SEC22C: variants seen among roughly 807,000 people sequenced by gnomAD.
SEC22C encodes the protein vesicle-trafficking protein SEC22c.
SEC22C carries 29 observed loss-of-function variants against 34.7 expected under a neutral mutation model. That is an observed-to-expected ratio of 0.84 (90% CI 0.62 to 1.14). The LOEUF (loss-of-function observed/expected upper bound fraction) is 1.14. Among genes scored for constraint, SEC22C ranks in the 50% most tolerant of loss-of-function variants. SEC22C has a pLI of 0.00. For synonymous variants in SEC22C, 117 were observed against 132.8 expected (o/e 0.88, Z 0.82); for missense variants, 337 against 369.0 (o/e 0.91, Z 0.71).
chr3:42,573,699 A>G (rs1422521214), intron 1 of SEC22C, among the ~76,000 whole-genome samples: 1 of 152,176 alleles, frequency 6.6e-6, no homozygotes, highest in African/African-American at 2.4e-5. Flanking sequence ...TTAATTAACT[A>G]AAGTAAAAAA....
upstream of SEC22C, among the ~76,000 whole-genome samples, chr3:42,582,598 T>C (rs1474370463): frequency 6.6e-6 from 1 of 152,230 alleles, no homozygotes; most frequent in Non-Finnish European, 1.5e-5. Flanking sequence ...GAGGAATTCC[T>C]GACACGAAAA....
chr3:42,558,853 G>A (rs1254225927), intron 4 of SEC22C, among the ~76,000 whole-genome samples: 1 of 152,084 alleles, frequency 6.6e-6, no homozygotes, highest in Non-Finnish European at 1.5e-5. Context: ...GAGGACCAAG[G>A]CTTTATTTGT....
chr3:42,562,066 A>C (rs1326040518), intron 3 of SEC22C, among the ~76,000 whole-genome samples: 1 of 152,256 alleles, frequency 6.6e-6, no homozygotes, highest in Non-Finnish European at 1.5e-5. Flanking sequence ...ATATTTGAAA[A>C]GTATTCATTT....
intron 1 of SEC22C, chr3:42,590,810 C>A: frequency 7.4e-7 from 1 of 1,349,710 alleles, no homozygotes; most frequent in Non-Finnish European, 1.1e-6. Flanking sequence ...GCCCTGTAGG[C>A]GGGAGCATCC....
upstream of SEC22C, among the ~76,000 whole-genome samples, chr3:42,585,083 C>T (rs1397639312): frequency 1.3e-5 from 2 of 152,060 alleles, no homozygotes; most frequent in African/African-American, 2.4e-5. Flanking sequence ...AAGCCGAGAT[C>T]GCACCATTGC....
upstream of SEC22C, among the ~76,000 whole-genome samples, chr3:42,585,616 C>T (rs1317729084): frequency 6.6e-6 from 1 of 152,170 alleles, no homozygotes; most frequent in Non-Finnish European, 1.5e-5. Context: ...GGGTTTATCA[C>T]CTCCATCACA....
chr3:42,548,622 G>C lies in SEC22C; in HGVS notation c.*4626C>G. ...TGGGTCAGGGGTGGCTGGCTCACGAGGTTTGGTCCAACCAGCAGAACCAGC... is the reference window on the plus strand; with the variant it reads ...TGGGTCAGGGGTGGCTGGCTCACGACGTTTGGTCCAACCAGCAGAACCAGC... On this transcript the variant is annotated 3_prime_UTR_variant, in exon 7 of 7. Coordinates refer to ENST00000264454, the MANE Select transcript of SEC22C (RefSeq NM_032970.4). 2 of 1,613,824 alleles carry C rather than the reference G, an allele frequency of 1.2e-6. No homozygotes were observed. Among genetic ancestry groups the C allele is most frequent in the Non-Finnish European group, 1.7e-6 (2 of 1,180,010 alleles).
At chr3:42,580,934 C>G (rs1704298401) in intron 1 of SEC22C, among the ~76,000 whole-genome samples, 1 of 152,212 alleles carries the variant, frequency 6.6e-6, no homozygotes, top group Non-Finnish European at 1.5e-5. Context: ...AGGTTGTCCT[C>G]TCTATGATCA....
At chr3:42,565,511 A>T (rs1559519621) in intron 2 of SEC22C, among the ~76,000 whole-genome samples, 2 of 152,200 alleles carry the variant, frequency 1.3e-5, no homozygotes, top group Non-Finnish European at 2.9e-5. Context: ...TCAAAGAAAC[A>T]GAGTCTTTGA....
intron 1 of SEC22C, among the ~76,000 whole-genome samples, chr3:42,592,203 CT>C (rs957025945): frequency 8.8e-5 from 13 of 147,292 alleles, no homozygotes; most frequent in Admixed American, 1.4e-4. Flanking sequence ...TTTTTCTTTT[CT>C]TTTTTTTTTT....
intron 1 of SEC22C, among the ~76,000 whole-genome samples, chr3:42,587,075 A>G (rs1014311452): frequency 1.3e-5 from 2 of 151,928 alleles, no homozygotes; most frequent in African/African-American, 4.8e-5. Flanking sequence ...TTCTTTTCTC[A>G]TTGCTCCCAC....
At chr3:42,571,533 A>G (rs1023497699) in intron 1 of SEC22C, among the ~76,000 whole-genome samples, 1 of 152,234 alleles carries the variant, frequency 6.6e-6, no homozygotes, top group Non-Finnish European at 1.5e-5. Context: ...GCCACGGAAG[A>G]GTATAAGAAT....
rs763433162 is a variant in SEC22C at position 42,548,588 on chromosome 3, C to T, written c.*4660G>A. 6 of 1,613,184 alleles carry T rather than the reference C, an allele frequency of 3.7e-6. No individual in the cohort carries two copies. Among genetic ancestry groups the T allele is most frequent in the Non-Finnish European group, 5.1e-6 (6 of 1,179,820 alleles). Reference sequence around the variant, plus strand: ...GCTCCCGGATGGGAGAATCAGAGCTCTCCTCATTTGGGTCAGGGGTGGCTG... The same window carrying T: ...GCTCCCGGATGGGAGAATCAGAGCTTTCCTCATTTGGGTCAGGGGTGGCTG... On this transcript the variant is annotated 3_prime_UTR_variant, in exon 7 of 7. Coordinates refer to ENST00000264454, the MANE Select transcript of SEC22C (RefSeq NM_032970.4).
In SEC22C at chr3:42,568,864, C is replaced by T; in HGVS notation, c.182+1G>A. The T allele has an allele frequency of 6.2e-7, 1 of 1,613,876 alleles. No homozygotes were observed. The highest frequency in any genetic ancestry group is 8.5e-7 in the Non-Finnish European group (1 of 1,179,780). ...CTGAAAAAGTGAATATGATCACTTA[C>T]TGTATACTAAAGTCACAACCTTCTG... is the stretch of plus-strand genomic sequence containing the variant. On this transcript the variant is annotated splice_donor_variant, in intron 2 of 6. Transcript: ENST00000264454. LOFTEE classifies it high-confidence loss of function.
rs138992658 is a variant in SEC22C at position 42,575,398 on chromosome 3, G to C, written c.-27-6325C>G. 1.8e-3 allele frequency among the ~76,000 whole-genome samples: 272 copies of C among 152,254 alleles called. 8 individuals are homozygous for C. The East Asian group carries it at 0.046, about 26-fold the overall frequency. On this transcript the variant is annotated intron_variant, in intron 1 of 6. Transcript: ENST00000264454. ...ACTATCTACATGAAATTCACTTCCA[G>C]TATAACAATATAGGTAGGTTGAAAG...
Position 42,551,913 on chromosome 3 carries a change from G to A in SEC22C, c.*1335C>T, listed in dbSNP as rs1472902949. ...AATAGGATTTTTAAAAATTTATCAA[G>A]ACCACATAATGCAGTTGAACACTCA... On this transcript the variant is annotated 3_prime_UTR_variant, in exon 7 of 7. Coordinates refer to ENST00000264454, the MANE Select transcript of SEC22C (RefSeq NM_032970.4). The A allele has an allele frequency of 1.8e-5, 18 of 985,076 alleles. No individual in the cohort carries two copies. Among genetic ancestry groups the A allele is most frequent in the Non-Finnish European group, 2.2e-5 (18 of 829,688 alleles). The allele number at this position is 985,076 out of a possible 1,614,324, so 61.0% of individuals were successfully genotyped here.
At chr3:42,598,123 C>A (rs1705085420) in intron 1 of SEC22C, among the ~76,000 whole-genome samples, 1 of 152,110 alleles carries the variant, frequency 6.6e-6, no homozygotes, top group African/African-American at 2.4e-5. Flanking sequence ...TATTTGTACA[C>A]CCACATTCAT....
intron 1 of SEC22C, among the ~76,000 whole-genome samples, chr3:42,592,270 G>A (rs542204389): frequency 2.0e-5 from 3 of 151,054 alleles, no homozygotes; most frequent in African/African-American, 7.3e-5. Flanking sequence ...GTGCAATCTC[G>A]GCTCACTGCA....
At chr3:42,586,585 T>TAA (rs35415799), upstream of SEC22C, among the ~76,000 whole-genome samples, 51 of 139,766 alleles carry the variant, frequency 3.6e-4, no homozygotes, top group East Asian at 8.3e-4. Context: ...AGTCACTGTT[T>TAA]AAAAAAAAAA....
Sources: gnomAD v4.1 joint callset for allele counts (sites outside exome capture counted in the v4.1 genomes callset) on GRCh38, gnomAD v4.1.1 for gene constraint, MANE v1.5 for transcripts, NCBI Gene and HGNC (gene_info 2026-07-23, HGNC 2026-07-21) for gene names.